Variants in MARCHF4 observed in about 807,000 individuals in gnomAD.
MARCHF4 encodes E3 ubiquitin-protein ligase MARCHF4.
Under a neutral mutation model 43.9 loss-of-function variants are expected in MARCHF4, and 14 were observed. That is an observed-to-expected ratio of 0.32 (90% CI 0.21 to 0.50). The LOEUF is 0.50. Ranked by LOEUF, MARCHF4 falls within the 20% of genes least tolerant of loss-of-function variation. The pLI is 0.98. For missense variants in MARCHF4, 468 were observed against 536.7 expected, an observed-to-expected ratio of 0.87 and a Z score of 1.27; for synonymous variants, 226 against 213.3, an observed-to-expected ratio of 1.06 and a Z score of -0.52.
At position 216,372,025 on chromosome 2, in the gene MARCHF4, G is replaced by A. The variant is rs899614154; in HGVS notation, c.-1765C>T. 1 of 152,372 alleles carries A rather than the reference G, an allele frequency of 6.6e-6. No individual in the cohort carries two copies. Among genetic ancestry groups the A allele is most frequent in the African/African-American group, 2.4e-5 (1 of 41,426 alleles). The allele number at this position is 152,372 out of a possible 1,614,324, so 9.4% of individuals were successfully genotyped here. A position where few individuals can be genotyped will look rare whatever the true frequency, so the allele number is the denominator to read the frequency against. ...GGGAGCGAAGCAGTGTGGCCGAGGTGGGAGGCAGCCGGCACTTGGCTCCAG... is the reference window on the plus strand; with the variant it reads ...GGGAGCGAAGCAGTGTGGCCGAGGTAGGAGGCAGCCGGCACTTGGCTCCAG... On this transcript the variant is annotated 5_prime_UTR_variant, in exon 1 of 4. Coordinates refer to ENST00000273067, the MANE Select transcript of MARCHF4 (RefSeq NM_020814.3).
intron 1 of MARCHF4, among the ~76,000 whole-genome samples, chr2:216,354,903 CT>C (rs1280357184): frequency 1.1e-4 from 6 of 55,284 alleles, no homozygotes; most frequent in South Asian, 8.1e-4. Context: ...TTCTTTCTTT[CT>C]TTCTTTCTTT....
intron 3 of MARCHF4, among the ~76,000 whole-genome samples, chr2:216,271,099 C>T (rs1690927554): frequency 6.6e-6 from 1 of 152,160 alleles, no homozygotes; most frequent in Non-Finnish European, 1.5e-5. Flanking sequence ...TTATCAATGC[C>T]TCCCCACCAC....
chr2:216,325,573 A>C (rs1462181875), intron 1 of MARCHF4, among the ~76,000 whole-genome samples: 1 of 152,240 alleles, frequency 6.6e-6, no homozygotes, highest in Non-Finnish European at 1.5e-5. Flanking sequence ...CTATACTACA[A>C]GGCTACAGTA....
At chr2:216,310,315 G>C (rs552722026) in intron 1 of MARCHF4, among the ~76,000 whole-genome samples, 2 of 152,230 alleles carry the variant, frequency 1.3e-5, no homozygotes, top group South Asian at 2.1e-4. Context: ...AGGCTGGAGT[G>C]CAGTGGCATG....
At chr2:216,363,027 T>C (rs753954468) in intron 1 of MARCHF4, among the ~76,000 whole-genome samples, 3 of 151,318 alleles carry the variant, frequency 2.0e-5, no homozygotes, top group Non-Finnish European at 2.9e-5. Context: ...CTCCTCTCCC[T>C]CCCCCATCTC....
Position 216,259,454 on chromosome 2 carries a change from G to T in MARCHF4, c.1091C>A (p.Ala364Asp), listed in dbSNP as rs1690704134. 1 of 1,614,142 alleles carries T rather than the reference G, an allele frequency of 6.2e-7. No individual in the cohort carries two copies. The highest frequency in any genetic ancestry group is 1.3e-5 in the African/African-American group (1 of 75,064). ...TPAPEQGPAQ[A>D]AGHPSGPLSH... ...CAGAGGGCCTGAGGGGTGGCCGGCA[G>T]CCTGGGCAGGGCCCTGCTCAGGGGC... The change falls in exon 4 of 4, where the codon GCT becomes GAT. Residue 364 changes from alanine (A) to aspartate (D), a missense_variant. Ala to Asp is a moderately radical substitution (Grantham distance 126, BLOSUM62 -2). This residue lies in a region of MARCHF4 where 120 missense variants were observed against 127.1 expected (regional missense o/e 0.94). Transcript: ENST00000273067.
At chr2:216,356,520 C>T (rs980500778) in intron 1 of MARCHF4, among the ~76,000 whole-genome samples, 3 of 152,162 alleles carry the variant, frequency 2.0e-5, no homozygotes, top group South Asian at 2.1e-4. Context: ...CACTGAAGTT[C>T]GGAGGATTTA....
chr2:216,331,909 A>G (rs1004006858), intron 1 of MARCHF4, among the ~76,000 whole-genome samples: 1 of 152,226 alleles, frequency 6.6e-6, no homozygotes, highest in Non-Finnish European at 1.5e-5. Flanking sequence ...ATCAGAAATG[A>G]AAAGATGCTC....
chr2:216,344,264 C>A (rs568879696), intron 1 of MARCHF4, among the ~76,000 whole-genome samples: 9 of 151,494 alleles, frequency 5.9e-5, no homozygotes, highest in South Asian at 4.2e-4. Context: ...AACAAACAAA[C>A]AAAAAAACAT....
At chr2:216,291,323 T>C (rs909213123) in intron 1 of MARCHF4, among the ~76,000 whole-genome samples, 1 of 152,194 alleles carries the variant, frequency 6.6e-6, no homozygotes, top group East Asian at 1.9e-4. Flanking sequence ...GCAAGTTTTC[T>C]TTCTGGTTTC....
rs757348397 is a variant in MARCHF4 at position 216,370,005 on chromosome 2, C to A, written c.256G>T (p.Gly86Trp). Reference sequence around the variant, plus strand: ...CGGGGGCCCCTCCAGCCTGCCCACCCCCCGGCGCCCAGAGCCGGAAGGGTG... The same window carrying A: ...CGGGGGCCCCTCCAGCCTGCCCACCACCCGGCGCCCAGAGCCGGAAGGGTG... Reference protein sequence around the residue: ...NNTLPALGAGGWAGWRGPREV... With the variant: ...NNTLPALGAGWWAGWRGPREV... The change falls in exon 1 of 4, where the codon GGG (glycine) becomes TGG (tryptophan). Residue 86 changes from glycine (G) to tryptophan (W), a missense_variant. Physicochemically the swap from Gly to Trp is radical, Grantham distance 184. Coordinates refer to ENST00000273067, the MANE Select transcript of MARCHF4 (RefSeq NM_020814.3). 2 of 1,540,326 alleles carry A rather than the reference C, an allele frequency of 1.3e-6. No individual in the cohort carries two copies. Among genetic ancestry groups the A allele is most frequent in the Non-Finnish European group, 1.8e-6 (2 of 1,138,908 alleles).
At position 216,370,211 on chromosome 2, in the gene MARCHF4, G is replaced by A. The variant is rs754062100; in HGVS notation, c.50C>T (p.Ser17Phe). 35 of 1,611,328 alleles carry A rather than the reference G, an allele frequency of 2.2e-5. No individual in the cohort carries two copies. Among genetic ancestry groups the A allele is most frequent in the Non-Finnish European group, 2.9e-5 (34 of 1,178,408 alleles). ...ACACAATCCATAGCAGTACCAGCCG[G>A]AGCAGCAGCACCACCACCACCAGAG... ...GLLWWWWCCC[S>F]GWYCYGLCAP... Residue 17 changes from serine (S) to phenylalanine (F), a missense_variant, in exon 1 of 4, where the codon TCC becomes TTC. Physicochemically the swap from Ser to Phe is radical, Grantham distance 155. Coordinates refer to ENST00000273067, the MANE Select transcript of MARCHF4 (RefSeq NM_020814.3).
intron 1 of MARCHF4, among the ~76,000 whole-genome samples, chr2:216,342,684 C>T (rs1432018070): frequency 6.6e-6 from 1 of 152,028 alleles, no homozygotes. Flanking sequence ...GACTCAGAGA[C>T]CCCCTAGGAG....
chr2:216,266,259 A>C (rs1388734347), intron 3 of MARCHF4: 1 of 152,136 alleles, frequency 6.6e-6, no homozygotes, highest in Non-Finnish European at 1.5e-5. Context: ...CTCATCAGTA[A>C]ACCCTTCCTC....
At chr2:216,305,268 A>C (rs1026666366) in intron 1 of MARCHF4, among the ~76,000 whole-genome samples, 4 of 152,190 alleles carry the variant, frequency 2.6e-5, no homozygotes, top group Admixed American at 1.3e-4. Context: ...TCCGGTATGC[A>C]TGTGGAGCCA....
At chr2:216,355,791 G>A (rs1013337402) in intron 1 of MARCHF4, among the ~76,000 whole-genome samples, 7 of 152,226 alleles carry the variant, frequency 4.6e-5, no homozygotes, top group African/African-American at 1.7e-4. Flanking sequence ...AAAGGCTGGA[G>A]CAGCCAAATG....
intron 1 of MARCHF4, among the ~76,000 whole-genome samples, chr2:216,361,325 C>T (rs916730211): frequency 5.9e-5 from 9 of 152,120 alleles, no homozygotes; most frequent in Admixed American, 2.0e-4. Context: ...TGGGGATCAA[C>T]GTTATTTAAA....
chr2:216,263,471 AAGAGAGAAAGAAGG>A (rs756353762), intron 3 of MARCHF4, among the ~76,000 whole-genome samples: 1 of 142,684 alleles, frequency 7.0e-6, no homozygotes, highest in Non-Finnish European at 1.5e-5. Context: ...AAGAAAGAGA[AAGAGAGAAAGAAGG>A]AGAGAGAAAG....
At chr2:216,292,569 A>G (rs949456788) in intron 1 of MARCHF4, among the ~76,000 whole-genome samples, 1 of 152,236 alleles carries the variant, frequency 6.6e-6, no homozygotes, top group Non-Finnish European at 1.5e-5. Context: ...GATAGACTTG[A>G]GACAGAAAGT....
Sources: gnomAD v4.1 joint callset for allele counts (sites outside exome capture counted in the v4.1 genomes callset) on GRCh38, gnomAD v4.1.1 for gene constraint, gnomAD v4.1.1 regional missense constraint, MANE v1.5 for transcripts, NCBI Gene and HGNC (gene_info 2026-07-23, HGNC 2026-07-21) for gene names.